C3orf70: variants seen among roughly 807,000 people sequenced by gnomAD.
C3orf70 encodes chromosome 3 open reading frame 70.
A neutral mutation model predicts 20.7 loss-of-function variants in C3orf70; 15 were observed. That is an observed-to-expected ratio of 0.72 (90% confidence interval 0.48 to 1.11). The LOEUF (loss-of-function observed/expected upper bound fraction) is 1.11. Ranked by LOEUF, C3orf70 falls within the 50% of genes most tolerant of loss-of-function variation. C3orf70 has a pLI of 0.00. For synonymous variants in C3orf70, 161 were observed against 125.7 expected (o/e 1.28, Z -1.88); for missense variants, 332 against 317.6 (o/e 1.05, Z -0.34).
intron 1 of C3orf70, among the ~76,000 whole-genome samples, chr3:185,125,384 AAACAACAACAACAACAAC>A (rs141336074): frequency 0.084 from 12,544 of 149,886 alleles, 1,165 homozygotes; most frequent in African/African-American, 0.23. Flanking sequence ...CCATCTCCAA[AAACAACAACAACAACAAC>A]AACAACAACA....
At chr3:185,089,079 C>T (rs1292957874) in intron 1 of C3orf70, among the ~76,000 whole-genome samples, 1 of 152,162 alleles carries the variant, frequency 6.6e-6, no homozygotes, top group Non-Finnish European at 1.5e-5. Flanking sequence ...TGCAGCAATT[C>T]GGATAAGATG....
rs6787830 is a variant in C3orf70 at position 185,118,916 on chromosome 3, C to T, written c.196+33712G>A. ...AAAAGACACTTAAACTTAAAAACTC[C>T]CCCTGCAAATTACTTTGTCCCTTTA... On this transcript the variant is annotated intron_variant, in intron 1 of 1. Transcript: ENST00000335012. Among the ~76,000 whole-genome samples the T allele has an allele frequency of 8.3e-3, 1,262 of 152,214 alleles. 20 individuals carry two copies. Among genetic ancestry groups the T allele is most frequent in the African/African-American group, 0.029 (1,200 of 41,538 alleles).
At chr3:185,146,976 T>C (rs1716889334) in intron 1 of C3orf70, among the ~76,000 whole-genome samples, 2 of 152,236 alleles carry the variant, frequency 1.3e-5, no homozygotes, top group South Asian at 2.1e-4. Flanking sequence ...TTTGCTGCGA[T>C]AGCGCAGCCA....
At chr3:185,110,669 A>G (rs1253776941) in intron 1 of C3orf70, among the ~76,000 whole-genome samples, 1 of 152,156 alleles carries the variant, frequency 6.6e-6, no homozygotes, top group Admixed American at 6.5e-5. Flanking sequence ...GGTTTATGGG[A>G]ATTAGGGCAA....
chr3:185,093,396 T>C (rs1384443863), intron 1 of C3orf70, among the ~76,000 whole-genome samples: 1 of 152,074 alleles, frequency 6.6e-6, no homozygotes, highest in Non-Finnish European at 1.5e-5. Context: ...AATCTGAAAA[T>C]TAGAGATAAT....
At chr3:185,142,030 G>T (rs769776472) in intron 1 of C3orf70, among the ~76,000 whole-genome samples, 3 of 152,088 alleles carry the variant, frequency 2.0e-5, no homozygotes, top group Non-Finnish European at 4.4e-5. Context: ...AGAAAACTGG[G>T]AAATGCTCAA....
At chr3:185,095,965 G>T (rs1715692638) in intron 1 of C3orf70, among the ~76,000 whole-genome samples, 1 of 152,018 alleles carries the variant, frequency 6.6e-6, no homozygotes, top group Non-Finnish European at 1.5e-5. Flanking sequence ...TCGATCTCCT[G>T]ACCTCATGAT....
intron 1 of C3orf70, among the ~76,000 whole-genome samples, chr3:185,091,276 G>T (rs1715564646): frequency 6.6e-6 from 1 of 152,074 alleles, no homozygotes; most frequent in African/African-American, 2.4e-5. Flanking sequence ...AAGCAGAATG[G>T]CTCCAATGTA....
Position 185,152,590 on chromosome 3 carries a change from G to C in C3orf70, c.196+38C>G, listed in dbSNP as rs1385069864. On this transcript the variant is annotated intron_variant, in intron 1 of 1. Coordinates refer to ENST00000335012, the MANE Select transcript of C3orf70 (RefSeq NM_001025266.3). ...CGGACGGCCCGGCGGGCGTCCCCCG[G>C]ACCGCGGCGGAAGGCGGGAAGACGC... 3 of 1,512,318 alleles carry C rather than the reference G, an allele frequency of 2.0e-6. No individual in the cohort carries two copies. The Admixed American group carries it at 6.3e-5, about 32-fold the overall frequency. The allele number at this position is 1,512,318 out of a possible 1,614,324, so 93.7% of individuals were successfully genotyped here.
chr3:185,106,941 C>G (rs1383787589), intron 1 of C3orf70, among the ~76,000 whole-genome samples: 2 of 152,264 alleles, frequency 1.3e-5, no homozygotes, highest in African/African-American at 4.8e-5. Context: ...AGAGCCAGGA[C>G]AGTGTATAGC....
chr3:185,134,530 TA>T (rs1209066579), intron 1 of C3orf70, among the ~76,000 whole-genome samples: 3 of 151,994 alleles, frequency 2.0e-5, no homozygotes, highest in African/African-American at 7.3e-5. Flanking sequence ...GACTTGGGGC[TA>T]AAAAAGTTGT....
chr3:185,107,784 T>C (rs558961410), intron 1 of C3orf70, among the ~76,000 whole-genome samples: 1 of 152,234 alleles, frequency 6.6e-6, no homozygotes, highest in African/African-American at 2.4e-5. Flanking sequence ...ATGTGAGCAT[T>C]ACAGCCAGGA....
intron 1 of C3orf70, among the ~76,000 whole-genome samples, chr3:185,099,648 C>G (rs1715781251): frequency 1.3e-5 from 2 of 150,852 alleles, no homozygotes; most frequent in African/African-American, 2.5e-5. Flanking sequence ...TATAAAGTAA[C>G]CACATAAACA....
chr3:185,140,529 T>C (rs1013747586), intron 1 of C3orf70, among the ~76,000 whole-genome samples: 3 of 152,208 alleles, frequency 2.0e-5, no homozygotes, highest in African/African-American at 4.8e-5. Context: ...GGCTGCATGT[T>C]TGTCCCCCAA....
At chr3:185,117,378 G>C (rs9811649) in intron 1 of C3orf70, among the ~76,000 whole-genome samples, 7,863 of 145,236 alleles carry the variant, frequency 0.054, 668 homozygotes, top group African/African-American at 0.19. Flanking sequence ...CATCACTTAG[G>C]GTAAAAACCC....
intron 1 of C3orf70, among the ~76,000 whole-genome samples, chr3:185,117,416 C>CAT (rs1194488619): frequency 8.3e-6 from 1 of 120,116 alleles, no homozygotes; most frequent in Non-Finnish European, 1.7e-5. Flanking sequence ...GTACCACACA[C>CAT]ATACACACAC....
intron 1 of C3orf70, among the ~76,000 whole-genome samples, chr3:185,145,533 A>G (rs1226912072): frequency 6.6e-6 from 1 of 152,242 alleles, no homozygotes; most frequent in Non-Finnish European, 1.5e-5. Flanking sequence ...TTCATACTGC[A>G]TATAATTGCC....
chr3:185,082,884 G>T lies in C3orf70; in HGVS notation c.*123C>A, dbSNP rs534156954. 43 of 870,966 alleles carry T rather than the reference G, an allele frequency of 4.9e-5. No homozygotes were observed. In the South Asian group the frequency reaches 6.7e-4, roughly 14 times the overall value. 54.0% of individuals were successfully genotyped at this position (870,966 alleles called of 1,614,324 possible). The stretch of plus-strand genomic sequence containing the variant: ...AATCAGCATACCACTGAACTGCTAC[G>T]GTTGTTGGTTGGAGCGGGGCGGGGT... On this transcript the variant is annotated 3_prime_UTR_variant, in exon 2 of 2. Coordinates refer to ENST00000335012, the MANE Select transcript of C3orf70 (RefSeq NM_001025266.3).
chr3:185,111,897 T>C (rs971413949), intron 1 of C3orf70, among the ~76,000 whole-genome samples: 1 of 152,162 alleles, frequency 6.6e-6, no homozygotes, highest in African/African-American at 2.4e-5. Flanking sequence ...GAATTCAAAA[T>C]ACTGAACAGA....
Sources: allele counts gnomAD v4.1 joint callset (sites outside exome capture counted in the v4.1 genomes callset), GRCh38; gene constraint gnomAD v4.1.1; transcripts MANE v1.5; gene names NCBI Gene and HGNC (gene_info 2026-07-23, HGNC 2026-07-21).